TMEM63A: variants seen among roughly 807,000 people sequenced by gnomAD.
TMEM63A encodes transmembrane protein 63A, also known as mechanosensitive cation channel TMEM63A.
A neutral mutation model predicts 100.6 loss-of-function variants in TMEM63A; 76 were observed. The observed-to-expected ratio is 0.76, with a 90% CI of 0.63 to 0.91. The LOEUF is 0.91. Among genes scored for constraint, TMEM63A ranks in the 40% least tolerant of loss-of-function variants. The pLI is 0.00. For synonymous variants in TMEM63A, 401 were observed against 401.1 expected (o/e 1.00, Z 0.00); for missense variants, 876 against 1,008.8 (o/e 0.87, Z 1.78).
At chr1:225,871,931 A>G in intron 5 of TMEM63A, 56 bp downstream of exon 5, 2 of 1,371,944 alleles carry the variant, frequency 1.5e-6, no homozygotes, top group Non-Finnish European at 2.1e-6. Context: ...CCCCAAAACC[A>G]TGACTGCCAG....
chr1:225,867,771 T>G lies in TMEM63A; in HGVS notation c.514+117A>C. 3 of 1,353,838 alleles carry G rather than the reference T, an allele frequency of 2.2e-6. No individual in the cohort carries two copies. The East Asian group carries it at 7.4e-5, about 33-fold the overall frequency. The allele number at this position is 1,353,838 out of a possible 1,614,324, so 83.9% of individuals were successfully genotyped here. A position where few individuals can be genotyped will look rare whatever the true frequency, so the allele number is the denominator to read the frequency against. ...AATGTTCAGAGTCACCCTGAGACCA[T>G]CTTACATCTGAAGTGGGGCATGACT... On this transcript the variant is annotated intron_variant, in intron 7 of 24. Coordinates refer to ENST00000366835, the MANE Select transcript of TMEM63A (RefSeq NM_014698.3). This position sits in a 1 kb window ranked among gnomAD's most constrained non-coding sequence, Gnocchi z 4.6.
chr1:225,857,263 G>A (rs1040507978), intron 15 of TMEM63A, among the ~76,000 whole-genome samples: 1 of 151,982 alleles, frequency 6.6e-6, no homozygotes. Flanking sequence ...TTTCACATAC[G>A]AGTAAACTCC....
chr1:225,844,731 C>T (rs758862380), downstream of TMEM63A: 80 of 1,522,254 alleles, frequency 5.3e-5, no homozygotes, highest in Non-Finnish European at 4.9e-5. Flanking sequence ...TATAGCCTTG[C>T]CTGCAGGTGC....
intron 10 of TMEM63A, 176 bp from the exon 11 acceptor site, chr1:225,863,027 G>T: frequency 1.6e-6 from 1 of 631,382 alleles, no homozygotes; most frequent in Non-Finnish European, 2.8e-6. Flanking sequence ...GGGAAATTTT[G>T]AAATTTAATA....
chr1:225,874,294 G>A lies in TMEM63A; in HGVS notation c.260C>T (p.Ala87Val). Residue 87 changes from alanine to valine, a missense_variant, in exon 4 of 25, where the codon GCA (alanine) becomes GTA (valine). Transcript: ENST00000366835. Reference sequence around the variant, plus strand: ...CTAGGCGATATGTCTTTACCTGTCTGCTTCTGACACCAGGGCAATGCGGCC... The same window carrying A: ...CTAGGCGATATGTCTTTACCTGTCTACTTCTGACACCAGGGCAATGCGGCC... ...DYGRIALVSE[A>V]DSESRFQRLS... The A allele has an allele frequency of 6.2e-7, 1 of 1,613,942 alleles. No homozygotes were observed. The highest frequency in any genetic ancestry group is 1.1e-5 in the South Asian group (1 of 91,038).
rs1037119594 is a variant in TMEM63A at position 225,868,088 on chromosome 1, T to G, written c.372-58A>C. On this transcript the variant is annotated intron_variant, in intron 6 of 24. Coordinates refer to ENST00000366835, the MANE Select transcript of TMEM63A (RefSeq NM_014698.3). ...GTGGAACAGGCCTCGGGGCTCTGCA[T>G]GAAGTGTCTCATATCATCCTCACCA... is the stretch of plus-strand genomic sequence containing the variant. 8.8e-6 allele frequency: 14 copies of G among 1,599,586 alleles called. No individual in the cohort carries two copies. In the Admixed American group the frequency reaches 2.2e-4, roughly 25 times the overall value.
chr1:225,852,547 T>C (rs1669399329), intron 20 of TMEM63A, 117 bp downstream of exon 20: 1 of 881,716 alleles, frequency 1.1e-6, no homozygotes, highest in Non-Finnish European at 1.8e-6. Context: ...TTGTGGCTCT[T>C]GTGGCTGTGG....
intron 10 of TMEM63A, chr1:225,863,212 C>A (rs1670032356): frequency 4.0e-6 from 1 of 248,096 alleles, no homozygotes; most frequent in Non-Finnish European, 8.0e-6. Context: ...TGCCACCAGG[C>A]TGATTTTTAT....
intron 3 of TMEM63A, among the ~76,000 whole-genome samples, chr1:225,876,482 G>A (rs535962246): frequency 5.3e-5 from 8 of 152,296 alleles, no homozygotes; most frequent in Admixed American, 6.5e-5. Context: ...TGGCATTTGT[G>A]AAAAGAAGGG....
Position 225,862,299 on chromosome 1 carries a change from A to G in TMEM63A, c.1004T>C (p.Ile335Thr), listed in dbSNP as rs1166782486. ...CTGGACGTGGCGTTCTTCCTCTGTG[A>G]TCCTCTCCAGCAGCCTGTCCTTCAT... ...TRMKDRLLER[I>T]TEEERHVQDQ... The change falls in exon 13 of 25, where the codon ATC (isoleucine) becomes ACC (threonine). Residue 335 changes from isoleucine (I) to threonine (T), a missense_variant. Physicochemically the swap from Ile to Thr is moderately conservative, Grantham distance 89. This residue lies in a region of TMEM63A where 487 missense variants were observed against 581.9 expected (regional missense o/e 0.84). Coordinates refer to ENST00000366835, the MANE Select transcript of TMEM63A (RefSeq NM_014698.3). The surrounding 1 kb of genome is among the most constrained non-coding windows in gnomAD (Gnocchi z 5.1). 6.2e-7 allele frequency: 1 copy of G among 1,614,060 alleles called. No homozygotes were observed. The highest frequency in any genetic ancestry group is 1.7e-5 in the Admixed American group (1 of 60,024).
chr1:225,851,020 T>G (rs1021127033), intron 20 of TMEM63A, among the ~76,000 whole-genome samples: 17 of 152,096 alleles, frequency 1.1e-4, no homozygotes, highest in Non-Finnish European at 2.5e-4. Context: ...AGTGTATGTC[T>G]TTCATCCGTC....
At chr1:225,848,277 G>A (rs1456459618) in intron 23 of TMEM63A, 8 of 567,812 alleles carry the variant, frequency 1.4e-5, no homozygotes, top group Middle Eastern at 4.7e-4. Context: ...GCCATGAATC[G>A]AGACAAGACT....
At chr1:225,845,328 CG>C, downstream of TMEM63A, 6 of 1,611,296 alleles carry the variant, frequency 3.7e-6, no homozygotes, top group Non-Finnish European at 5.1e-6. Context: ...AAGTTCCTGT[CG>C]GTGCTGGAGC....
chr1:225,850,156 G>T, intron 20 of TMEM63A, 77 bp from the exon 21 acceptor site: 3 of 1,546,776 alleles, frequency 1.9e-6, no homozygotes, highest in Non-Finnish European at 2.6e-6. Context: ...CTCCGGGGCG[G>T]CTATTTTGGC....
rs2102630920 is a variant in TMEM63A at position 225,867,534 on chromosome 1, C to A, written c.514+354G>T. 6.6e-6 allele frequency among the ~76,000 whole-genome samples: 1 copy of A among 152,216 alleles called. No homozygotes were observed. The highest frequency in any genetic ancestry group is 3.4e-3 in the Middle Eastern group (1 of 294). ...AGTTGCCCTTAGATATAATGCCACA[C>A]CCTGATTTTAATTAAGTATCATGGA... is the stretch of plus-strand genomic sequence containing the variant. On this transcript the variant is annotated intron_variant, in intron 7 of 24. Coordinates refer to ENST00000366835, the MANE Select transcript of TMEM63A (RefSeq NM_014698.3). The surrounding 1 kb of genome is among the most constrained non-coding windows in gnomAD (Gnocchi z 4.6).
chr1:225,852,597 G>A (rs1041241141), intron 20 of TMEM63A, 67 bp downstream of exon 20: 23 of 1,494,652 alleles, frequency 1.5e-5, no homozygotes, highest in South Asian at 1.4e-4. Flanking sequence ...AGCTGTCCCC[G>A]AGAGGTTTGG....
chr1:225,856,879 G>C (rs1669647846), intron 16 of TMEM63A, 32 bp downstream of exon 16: 1 of 1,603,154 alleles, frequency 6.2e-7, no homozygotes, highest in Non-Finnish European at 8.5e-7. Flanking sequence ...ATCCTTCTTA[G>C]GGGCAGGGCC....
chr1:225,849,105 A>T, intron 21 of TMEM63A, 93 bp from the exon 22 acceptor site: 1 of 978,756 alleles, frequency 1.0e-6, no homozygotes, highest in Non-Finnish European at 1.6e-6. Flanking sequence ...CTGGTGTGGA[A>T]ACTGCCCGTG....
At position 225,859,357 on chromosome 1, in the gene TMEM63A, G is replaced by A. The variant is rs774786971; in HGVS notation, c.1224-8C>T. On this transcript the variant is annotated splice_polypyrimidine_tract_variant and splice_region_variant and intron_variant, in intron 14 of 24. Transcript: ENST00000366835. ...TGGATAGAGAGGTTCTTCCTGCAGC[G>A]GGAGAGGGGATACAGGTCTCGAGGC... 11 of 1,613,368 alleles carry A rather than the reference G, an allele frequency of 6.8e-6. No homozygotes were observed. The highest frequency in any genetic ancestry group is 2.2e-5 in the East Asian group (1 of 44,880).
Sources: gnomAD v4.1 joint callset for allele counts (sites outside exome capture counted in the v4.1 genomes callset) on GRCh38, gnomAD v4.1.1 for gene constraint, gnomAD v4.1.1 regional missense constraint, Gnocchi (gnomAD v3.1) non-coding constraint, MANE v1.5 for transcripts, NCBI Gene and HGNC (gene_info 2026-07-23, HGNC 2026-07-21) for gene names.